Variants in CLCN6 observed in about 807,000 individuals in gnomAD.
The protein encoded by CLCN6 is H(+)/Cl(-) exchange transporter 6.
A neutral mutation model predicts 109.8 loss-of-function variants in CLCN6; 70 were observed. The observed-to-expected ratio is 0.64, with a 90% CI of 0.53 to 0.78. CLCN6 has a LOEUF of 0.78. Among genes scored for constraint, CLCN6 ranks in the 30% least tolerant of loss-of-function variants. CLCN6 has a pLI of 0.00. For synonymous variants in CLCN6, 444 were observed against 447.8 expected (o/e 0.99, Z 0.11); for missense variants, 984 against 1,142.3 (o/e 0.86, Z 2.00).
In CLCN6 at chr1:11,828,630, T is replaced by G; in HGVS notation, c.1121+6T>G. 3 of 1,593,802 alleles carry G rather than the reference T, an allele frequency of 1.9e-6. No homozygotes were observed. Among genetic ancestry groups the G allele is most frequent in the Non-Finnish European group, 2.6e-6 (3 of 1,169,288 alleles). The stretch of plus-strand genomic sequence containing the variant: ...CCGAAACCTAAGCTCGTCAGGTATC[T>G]GCACAGTCGCCTCCCCCCCGAGCCT... On this transcript the variant is annotated splice_donor_region_variant and intron_variant, in intron 12 of 22. Coordinates refer to ENST00000346436, the MANE Select transcript of CLCN6 (RefSeq NM_001286.5).
At chr1:11,835,670 C>T (rs1181699354) in intron 17 of CLCN6, among the ~76,000 whole-genome samples, 1 of 152,164 alleles carries the variant, frequency 6.6e-6, no homozygotes, top group Non-Finnish European at 1.5e-5. Context: ...AGGGCGTGGC[C>T]AGCCCCTGGA....
intron 18 of CLCN6, among the ~76,000 whole-genome samples, chr1:11,836,642 C>G (rs1166609848): frequency 6.6e-6 from 1 of 151,692 alleles, no homozygotes; most frequent in Non-Finnish European, 1.5e-5. Flanking sequence ...GATTCAGAAT[C>G]CAGGGAGAGG....
chr1:11,816,211 T>C (rs942412215), intron 3 of CLCN6, among the ~76,000 whole-genome samples: 2 of 152,222 alleles, frequency 1.3e-5, no homozygotes, highest in Admixed American at 6.5e-5. Context: ...TACATTTTTG[T>C]AGGCATAATG....
At chr1:11,816,786 A>T in intron 4 of CLCN6, 106 bp downstream of exon 4, 2 of 725,724 alleles carry the variant, frequency 2.8e-6, no homozygotes, top group Non-Finnish European at 4.5e-6. Flanking sequence ...TATAACATTT[A>T]TAACATTATA....
intron 3 of CLCN6, 51 bp downstream of exon 3, chr1:11,815,962 CA>C (rs1162947483): frequency 1.9e-5 from 26 of 1,395,964 alleles, no homozygotes; most frequent in Non-Finnish European, 2.6e-5. Context: ...CTTAACATGG[CA>C]TTTTTTTTCT....
At chr1:11,812,270 A>G (rs1221073712) in intron 2 of CLCN6, among the ~76,000 whole-genome samples, 1 of 152,220 alleles carries the variant, frequency 6.6e-6, no homozygotes, top group Non-Finnish European at 1.5e-5. Context: ...AATAAAGGAT[A>G]TCATAAAGGA....
chr1:11,824,404 G>C, intron 7 of CLCN6, 82 bp from the exon 8 acceptor site: 1 of 1,065,544 alleles, frequency 9.4e-7, no homozygotes. Flanking sequence ...GTTGTCACGA[G>C]GAAGGTTTTT....
Position 11,834,544 on chromosome 1 carries a change from C to T in CLCN6, c.1747C>T (p.Arg583Ter), listed in dbSNP as rs758176919. The T allele has an allele frequency of 2.5e-6, 4 of 1,614,024 alleles. No individual in the cohort carries two copies. Among genetic ancestry groups the T allele is most frequent in the South Asian group, 2.2e-5 (2 of 91,076 alleles). The change falls in exon 17 of 23, where the codon CGA becomes TGA. Residue 583 changes from arginine (R) to a stop codon, truncating the protein, a stop_gained. Coordinates refer to ENST00000346436, the MANE Select transcript of CLCN6 (RefSeq NM_001286.5). LOFTEE classifies it high-confidence loss of function. This position sits in a 1 kb window ranked among gnomAD's most constrained non-coding sequence, Gnocchi z 4.5. ...KGIYDIHVGL[R>*]GVPLLEWETE... ...CATTTATGATATCCACGTGGGCCTG[C>T]GAGGCGTGCCGCTTCTGGAATGGGA...
chr1:11,813,028 A>C (rs560719641), intron 2 of CLCN6, among the ~76,000 whole-genome samples: 7 of 152,226 alleles, frequency 4.6e-5, no homozygotes, highest in Non-Finnish European at 5.9e-5. Flanking sequence ...AATCATTCAC[A>C]AGATGATATC....
intron 22 of CLCN6, 116 bp downstream of exon 22, chr1:11,838,776 G>A (rs771635633): frequency 3.4e-6 from 5 of 1,463,952 alleles, no homozygotes; most frequent in South Asian, 2.3e-5. Flanking sequence ...AGGGGAGAGT[G>A]TGGCCCAACA....
intron 4 of CLCN6, among the ~76,000 whole-genome samples, chr1:11,817,248 T>A (rs1305315495): frequency 2.0e-5 from 3 of 152,102 alleles, no homozygotes; most frequent in African/African-American, 7.2e-5. Flanking sequence ...AGGCATGAGA[T>A]CGCTCTTTAG....
rs771010245 is a variant in CLCN6, at chr1:11,833,972, G to C, written c.1468G>C (p.Val490Leu). ...YGISVPSGLF[V>L]PSLLCGAAFG... The stretch of plus-strand genomic sequence containing the variant: ...CATTTCTGTTCCAAGTGGCCTTTTT[G>C]TGCCTTCTCTGCTGTGTGGAGCTGC... The change falls in exon 15 of 23, where the codon GTG (valine) becomes CTG (leucine). Residue 490 changes from valine to leucine, a missense_variant. Physicochemically the swap from Val to Leu is conservative, Grantham distance 32. Transcript: ENST00000346436. 3.1e-6 allele frequency: 5 copies of C among 1,613,614 alleles called. No homozygotes were observed. In the Admixed American group the frequency reaches 5.0e-5, roughly 16 times the overall value.
rs1480396243 is a variant in CLCN6, at chr1:11,842,399, GCAC to G, written c.*2177_*2179del. The G allele has an allele frequency of 6.5e-6, 1 of 152,718 alleles. No homozygotes were observed. Among genetic ancestry groups the G allele is most frequent in the Non-Finnish European group, 1.5e-5 (1 of 68,088 alleles). 9.5% of individuals were successfully genotyped at this position (152,718 alleles called of 1,614,324 possible). A position where few individuals can be genotyped will look rare whatever the true frequency, so the allele number is the denominator to read the frequency against. ...CCCCAAACCCAGGCCCCATGCAAAG[GCAC>G]GTGGTTTCCTTTTCTCCTCTCTCTG... On this transcript the variant is annotated 3_prime_UTR_variant, in exon 23 of 23. Transcript: ENST00000346436.
chr1:11,825,071 A>T (rs895417535), intron 8 of CLCN6, among the ~76,000 whole-genome samples: 3 of 152,180 alleles, frequency 2.0e-5, no homozygotes, highest in Non-Finnish European at 2.9e-5. Flanking sequence ...CAGATGGGGA[A>T]ACTGAGGCTT....
chr1:11,833,853 C>T (rs774857790), intron 14 of CLCN6, 24 bp from the exon 15 acceptor site: 24 of 1,600,108 alleles, frequency 1.5e-5, no homozygotes, highest in Non-Finnish European at 1.8e-5. Context: ...GGTAGTGGGA[C>T]TCAGGTTGGC....
Position 11,836,995 on chromosome 1 carries a change from A to G in CLCN6, c.1981-4A>G, listed in dbSNP as rs748134407. On this transcript the variant is annotated splice_region_variant and splice_polypyrimidine_tract_variant and intron_variant, in intron 18 of 22. Coordinates refer to ENST00000346436, the MANE Select transcript of CLCN6 (RefSeq NM_001286.5). ...GCAGTAGCCTGTGGCCTCCCCACCCACAGAAATCCAGCATCCTCACCCGGG... is the reference window on the plus strand; with the variant it reads ...GCAGTAGCCTGTGGCCTCCCCACCCGCAGAAATCCAGCATCCTCACCCGGG... 1 of 1,607,978 alleles carries G rather than the reference A, an allele frequency of 6.2e-7. No homozygotes were observed. Among genetic ancestry groups the G allele is most frequent in the Non-Finnish European group, 8.5e-7 (1 of 1,179,990 alleles).
intron 5 of CLCN6, among the ~76,000 whole-genome samples, chr1:11,821,519 G>A (rs1451713649): frequency 6.6e-6 from 1 of 152,146 alleles, no homozygotes; most frequent in East Asian, 1.9e-4. Context: ...TTGCAACACT[G>A]TACTCCAGCC....
In CLCN6 at chr1:11,842,081, A is replaced by G. The variant is rs1192415838; in HGVS notation, c.*1858A>G. 1 of 152,224 alleles carries G rather than the reference A, an allele frequency of 6.6e-6. No homozygotes were observed. The highest frequency in any genetic ancestry group is 1.9e-4 in the East Asian group (1 of 5,190). The allele number at this position is 152,224 out of a possible 1,614,324, so 9.4% of individuals were successfully genotyped here. On this transcript the variant is annotated 3_prime_UTR_variant, in exon 23 of 23. Transcript: ENST00000346436. ...TTATTAAGAAGGAAGCCAATTGTCC[A>G]AGTCAGGAGAATGGTGTGATCACCT...
chr1:11,824,559 A>G lies in CLCN6; in HGVS notation c.648+6A>G. 2 of 1,613,044 alleles carry G rather than the reference A, an allele frequency of 1.2e-6. No individual in the cohort carries two copies. Among genetic ancestry groups the G allele is most frequent in the East Asian group, 4.5e-5 (2 of 44,836 alleles). On this transcript the variant is annotated splice_donor_region_variant and intron_variant, in intron 8 of 22. Coordinates refer to ENST00000346436, the MANE Select transcript of CLCN6 (RefSeq NM_001286.5). ...TGGGAGCTGGCCTCCCTCAGGTAAG[A>G]TGGGCTGAGAGGGTGTGGGCCTCTG...
Sources: gnomAD v4.1 joint callset for allele counts (sites outside exome capture counted in the v4.1 genomes callset) on GRCh38, gnomAD v4.1.1 for gene constraint, Gnocchi (gnomAD v3.1) non-coding constraint, MANE v1.5 for transcripts, NCBI Gene and HGNC (gene_info 2026-07-23, HGNC 2026-07-21) for gene names.